The following SMIM19 variants were observed in gnomAD, a reference collection of about 807,000 sequenced individuals.
SMIM19 encodes the protein UPF0697 protein C8orf40.
In SMIM19, 6 loss-of-function variants were observed where a neutral mutation model predicts 13.2. The ratio of observed to expected loss-of-function variants is 0.45; its 90% CI spans 0.25 to 0.90. The LOEUF (loss-of-function observed/expected upper bound fraction) is 0.90. SMIM19 is among the 40% of genes least tolerant of loss of function. The pLI, the probability that SMIM19 is intolerant of heterozygous loss-of-function variation, is 0.19. For missense variants in SMIM19, 138 were observed against 131.0 expected, an observed-to-expected ratio of 1.05 and a Z score of -0.26; for synonymous variants, 46 against 43.1, an observed-to-expected ratio of 1.07 and a Z score of -0.27.
At position 42,553,447 on chromosome 8, in the gene SMIM19, C is replaced by T. The variant is rs543979708; in HGVS notation, c.*839C>T. The T allele has an allele frequency of 1.5e-4, 23 of 152,316 alleles. No homozygotes were observed. Among genetic ancestry groups the T allele is most frequent in the African/African-American group, 5.3e-4 (22 of 41,570 alleles). The allele number at this position is 152,316 out of a possible 1,614,324, so 9.4% of individuals were successfully genotyped here. A position where few individuals can be genotyped will look rare whatever the true frequency, so the allele number is the denominator to read the frequency against. ...TGGCAACTCTGCGGTAGTAGTGCTA[C>T]CACTGGCGAGGCAGTATTACTGCCA... On this transcript the variant is annotated 3_prime_UTR_variant, in exon 4 of 4. Coordinates refer to ENST00000417410, the MANE Select transcript of SMIM19 (RefSeq NM_001135674.2).
At chr8:42,544,754 T>C (rs927297835) in intron 1 of SMIM19, among the ~76,000 whole-genome samples, 1 of 152,206 alleles carries the variant, frequency 6.6e-6, no homozygotes, top group Non-Finnish European at 1.5e-5. Flanking sequence ...AGTCACGTTG[T>C]CAGAAAGGCA....
At chr8:42,549,078 A>G (rs1563569210) in intron 3 of SMIM19, among the ~76,000 whole-genome samples, 1 of 152,182 alleles carries the variant, frequency 6.6e-6, no homozygotes. Context: ...TGAATAAACA[A>G]AGTGTGGTGC....
chr8:42,552,085 A>G (rs901505545), intron 3 of SMIM19, among the ~76,000 whole-genome samples: 10 of 152,172 alleles, frequency 6.6e-5, no homozygotes, highest in African/African-American at 2.4e-4. Context: ...CATGAAGTGT[A>G]ATACATCTTT....
chr8:42,551,186 C>T (rs1281706679), intron 3 of SMIM19, among the ~76,000 whole-genome samples: 4 of 151,802 alleles, frequency 2.6e-5, no homozygotes, highest in Admixed American at 1.3e-4. Flanking sequence ...GGCATGATGG[C>T]GGGCACCTGT....
In SMIM19 at chr8:42,555,058, G is replaced by A. The variant is rs764521899; in HGVS notation, c.*2450G>A. On this transcript the variant is annotated 3_prime_UTR_variant, in exon 4 of 4. Coordinates refer to ENST00000417410, the MANE Select transcript of SMIM19 (RefSeq NM_001135674.2). ...CAGAAAATGACATGCAAGGTTTATG[G>A]TAAAACTGCTGTACAATCAGAAGTA... 2 of 152,168 alleles carry A rather than the reference G, an allele frequency of 1.3e-5. No individual in the cohort carries two copies. Among genetic ancestry groups the A allele is most frequent in the Non-Finnish European group, 2.9e-5 (2 of 68,046 alleles). The allele number at this position is 152,168 out of a possible 1,614,324, so 9.4% of individuals were successfully genotyped here.
chr8:42,553,188 A>G lies in SMIM19; in HGVS notation c.*580A>G, dbSNP rs1349000619. 1 of 151,882 alleles carries G rather than the reference A, an allele frequency of 6.6e-6. No individual in the cohort carries two copies. Among genetic ancestry groups the G allele is most frequent in the African/African-American group, 2.4e-5 (1 of 41,320 alleles). 9.4% of individuals were successfully genotyped at this position (151,882 alleles called of 1,614,324 possible). On this transcript the variant is annotated 3_prime_UTR_variant, in exon 4 of 4. Coordinates refer to ENST00000417410, the MANE Select transcript of SMIM19 (RefSeq NM_001135674.2). ...ACAGCCTCCTGAATATTCTGTTAAC[A>G]GCTCTTTAATTAATGATCTTTGCTT...
rs776395762 is a variant in SMIM19 at position 42,553,535 on chromosome 8, C to G, written c.*927C>G. On this transcript the variant is annotated 3_prime_UTR_variant, in exon 4 of 4. Coordinates refer to ENST00000417410, the MANE Select transcript of SMIM19 (RefSeq NM_001135674.2). ...GGCATGCTAAGCTTTCCTAAAGAGCCTCATATCTTTTCCCATGCTGTACTG... is the reference window on the plus strand; with the variant it reads ...GGCATGCTAAGCTTTCCTAAAGAGCGTCATATCTTTTCCCATGCTGTACTG... 1 of 152,178 alleles carries G rather than the reference C, an allele frequency of 6.6e-6. No homozygotes were observed. Among genetic ancestry groups the G allele is most frequent in the Non-Finnish European group, 1.5e-5 (1 of 68,038 alleles). The allele number at this position is 152,178 out of a possible 1,614,324, so 9.4% of individuals were successfully genotyped here.
intron 2 of SMIM19, 51 bp from the exon 3 acceptor site, chr8:42,548,605 A>G (rs1186960951): frequency 3.1e-6 from 5 of 1,607,758 alleles, no homozygotes; most frequent in South Asian, 1.1e-5. Context: ...GCATATTACA[A>G]CTCTATAGAC....
At chr8:42,549,655 G>A (rs1813601916) in intron 3 of SMIM19, among the ~76,000 whole-genome samples, 1 of 152,042 alleles carries the variant, frequency 6.6e-6, no homozygotes. Flanking sequence ...ATGGATGGTG[G>A]TGATAGTCCC....
intron 3 of SMIM19, among the ~76,000 whole-genome samples, chr8:42,549,790 TA>T (rs916496070): frequency 6.0e-4 from 90 of 149,708 alleles, no homozygotes; most frequent in African/African-American, 1.4e-3. Flanking sequence ...AAGTATTGTT[TA>T]AAAAAAAAAG....
chr8:42,551,434 C>T (rs901419736), intron 3 of SMIM19, among the ~76,000 whole-genome samples: 1 of 151,858 alleles, frequency 6.6e-6, no homozygotes, highest in African/African-American at 2.4e-5. Context: ...CTTCAATTAA[C>T]GTTTCTTAGA....
At chr8:42,551,798 GC>G (rs1813683197) in intron 3 of SMIM19, among the ~76,000 whole-genome samples, 1 of 151,910 alleles carries the variant, frequency 6.6e-6, no homozygotes, top group Admixed American at 6.6e-5. Context: ...AAAAAAATTA[GC>G]TGGGTGTGGT....
chr8:42,545,193 TTA>T lies in SMIM19; in HGVS notation c.-4-1275_-4-1274del, dbSNP rs372371878. 8.6e-4 allele frequency among the ~76,000 whole-genome samples: 131 copies of T among 152,364 alleles called. 1 individual carries two copies. The highest frequency in any genetic ancestry group is 3.0e-3 in the African/African-American group (125 of 41,594). ...TCCCAACACAAGGGAGGAACTCTCT[TTA>T]AAGAAAAATTCAGTTAACTTCTCAA... On this transcript the variant is annotated intron_variant, in intron 1 of 3. Transcript: ENST00000417410.
In SMIM19 at chr8:42,548,744, A is replaced by AT. The variant is rs766437116; in HGVS notation, c.225dup (p.Arg76SerfsTer25). 6.2e-7 allele frequency: 1 copy of AT among 1,613,864 alleles called. No individual in the cohort carries two copies. Among genetic ancestry groups the AT allele is most frequent in the African/African-American group, 1.3e-5 (1 of 74,926 alleles). On this transcript the variant is annotated frameshift_variant, in exon 3 of 4. Transcript: ENST00000417410. LOFTEE classifies it high-confidence loss of function. ...CAACTTTTATGACACGATAAGCAAG[A>AT]TTCGTTTAAGACAACAACTGGAAAT...
At chr8:42,545,352 A>G (rs1411912906) in intron 1 of SMIM19, among the ~76,000 whole-genome samples, 2 of 152,166 alleles carry the variant, frequency 1.3e-5, no homozygotes, top group Non-Finnish European at 1.5e-5. Context: ...AGCAAAATGT[A>G]TCTTTTCATC....
chr8:42,546,458 C>G lies in SMIM19; in HGVS notation c.-4-11C>G, dbSNP rs779220903. 1.3e-6 allele frequency: 2 copies of G among 1,588,190 alleles called. No homozygotes were observed. Among genetic ancestry groups the G allele is most frequent in the South Asian group, 2.3e-5 (2 of 86,244 alleles). Reference sequence around the variant, plus strand: ...ATTAAAAGAAACCCTGCTTTCTTTTCTCTCTTACAGCCCCATGGCTGGGGG... The same window carrying G: ...ATTAAAAGAAACCCTGCTTTCTTTTGTCTCTTACAGCCCCATGGCTGGGGG... On this transcript the variant is annotated splice_polypyrimidine_tract_variant and intron_variant, in intron 1 of 3. Coordinates refer to ENST00000417410, the MANE Select transcript of SMIM19 (RefSeq NM_001135674.2).
Position 42,546,616 on chromosome 8 carries a change from T to A in SMIM19, c.134+10T>A. ...TCATGTATGCCAAAAGGTAAATTTT[T>A]GTTTCTCAGGGTAGATAAAAACTGT... On this transcript the variant is annotated intron_variant, in intron 2 of 3. Transcript: ENST00000417410. 1 of 1,605,796 alleles carries A rather than the reference T, an allele frequency of 6.2e-7. No homozygotes were observed. Among genetic ancestry groups the A allele is most frequent in the East Asian group, 2.2e-5 (1 of 44,870 alleles).
upstream of SMIM19, chr8:42,541,511 G>A (rs1450219999): frequency 8.2e-6 from 1 of 121,944 alleles, no homozygotes; most frequent in African/African-American, 2.7e-5. Context: ...AACTGAAAAG[G>A]GGAAAGGAAA....
intron 1 of SMIM19, among the ~76,000 whole-genome samples, chr8:42,545,635 ATTC>A (rs1470649574): frequency 2.0e-5 from 3 of 152,088 alleles, no homozygotes; most frequent in African/African-American, 7.2e-5. Context: ...GGTTCAAGCA[ATTC>A]TTCTGCCTCA....
Sources: gnomAD v4.1 joint callset for allele counts (sites outside exome capture counted in the v4.1 genomes callset) on GRCh38, gnomAD v4.1.1 for gene constraint, MANE v1.5 for transcripts, NCBI Gene and HGNC (gene_info 2026-07-23, HGNC 2026-07-21) for gene names.